FAM114A1: variants seen among roughly 807,000 people sequenced by gnomAD.
The protein encoded by FAM114A1 is protein NOXP20.
Under a neutral mutation model 64.3 loss-of-function variants are expected in FAM114A1, and 62 were observed. That is an observed-to-expected ratio of 0.96 (90% confidence interval 0.79 to 1.19). The LOEUF is 1.19. Ranked by LOEUF, FAM114A1 falls within the 50% of genes most tolerant of loss-of-function variation. The pLI is 0.00. For synonymous variants in FAM114A1, 254 were observed against 251.1 expected, an observed-to-expected ratio of 1.01 and a Z score of -0.11; for missense variants, 645 against 676.3, an observed-to-expected ratio of 0.95 and a Z score of 0.51.
At chr4:38,870,485 T>C (rs1162992425) in intron 2 of FAM114A1, among the ~76,000 whole-genome samples, 2 of 152,270 alleles carry the variant, frequency 1.3e-5, no homozygotes, top group Admixed American at 1.3e-4. Context: ...GCTGTGATGT[T>C]GCTGCTTAAA....
At chr4:38,901,130 T>C (rs951747528) in intron 4 of FAM114A1, among the ~76,000 whole-genome samples, 1 of 152,226 alleles carries the variant, frequency 6.6e-6, no homozygotes, top group Non-Finnish European at 1.5e-5. Context: ...GAAACTTTCC[T>C]GATGAGTTAG....
At chr4:38,913,583 G>A (rs1439369966) in intron 7 of FAM114A1, among the ~76,000 whole-genome samples, 1 of 151,852 alleles carries the variant, frequency 6.6e-6, no homozygotes, top group African/African-American at 2.4e-5. Flanking sequence ...TAGTAGATAC[G>A]TGGTTCCACC....
rs548453456 is a variant in FAM114A1, at chr4:38,914,168, G to A, written c.793-753G>A. Reference sequence around the variant, plus strand: ...CAGGCCAGCTTATTTCTGCTTTGACGTCTGTGTAGGTGCAGGACTTAAAGT... The same window carrying A: ...CAGGCCAGCTTATTTCTGCTTTGACATCTGTGTAGGTGCAGGACTTAAAGT... On this transcript the variant is annotated intron_variant, in intron 7 of 14. Coordinates refer to ENST00000358869, the MANE Select transcript of FAM114A1 (RefSeq NM_138389.4). 3.7e-4 allele frequency among the ~76,000 whole-genome samples: 56 copies of A among 152,020 alleles called. 1 individual carries two copies. The highest frequency in any genetic ancestry group is 1.5e-4 in the Non-Finnish European group (10 of 68,006).
At chr4:38,905,973 A>T in intron 6 of FAM114A1, 112 bp downstream of exon 6, 3 of 902,208 alleles carry the variant, frequency 3.3e-6, no homozygotes, top group South Asian at 2.0e-5. Flanking sequence ...CTTGCTCAGA[A>T]CTTTGGATTA....
At chr4:38,943,332 TTGCAAGATAAATATAATCCAATA>T in intron 14 of FAM114A1, 101 bp from the exon 15 acceptor site, 1 of 761,038 alleles carries the variant, frequency 1.3e-6, no homozygotes, top group Non-Finnish European at 2.2e-6. Context: ...AGCACCAATA[TTGCAAGATAAATATAATCCAATA>T]TGGGGGGTGG....
At position 38,876,697 on chromosome 4, in the gene FAM114A1, C is replaced by T. The variant is rs146609985; in HGVS notation, c.-8-1374C>T. ...GCTTTTGCCAACACAGACTTATTCT[C>T]TTGGAGTTCTGGAGGTCAGAAGTCT... is the stretch of plus-strand genomic sequence containing the variant. On this transcript the variant is annotated intron_variant, in intron 2 of 14. Transcript: ENST00000358869. Among the ~76,000 whole-genome samples, 766 of 152,342 alleles carry T rather than the reference C, an allele frequency of 5.0e-3. 7 individuals carry two copies. Among genetic ancestry groups the T allele is most frequent in the African/African-American group, 0.017 (703 of 41,578 alleles).
chr4:38,937,589 A>G (rs1487702044), intron 13 of FAM114A1, among the ~76,000 whole-genome samples: 2 of 152,148 alleles, frequency 1.3e-5, no homozygotes, highest in African/African-American at 2.4e-5. Flanking sequence ...TAGGACTTCA[A>G]TATGTCTTTT....
At chr4:38,935,515 AC>A (rs1306791855) in intron 12 of FAM114A1, among the ~76,000 whole-genome samples, 4 of 152,216 alleles carry the variant, frequency 2.6e-5, no homozygotes, top group Non-Finnish European at 5.9e-5. Flanking sequence ...TGGAAAGAAA[AC>A]CAGGATTAGA....
chr4:38,899,342 G>A (rs1717280912), intron 4 of FAM114A1, among the ~76,000 whole-genome samples: 1 of 152,026 alleles, frequency 6.6e-6, no homozygotes, highest in Non-Finnish European at 1.5e-5. Flanking sequence ...CCACAGCACC[G>A]GGCCTTTATA....
intron 3 of FAM114A1, among the ~76,000 whole-genome samples, chr4:38,888,968 A>T (rs1716073653): frequency 6.6e-6 from 1 of 152,240 alleles, no homozygotes; most frequent in Non-Finnish European, 1.5e-5. Context: ...TCATTTGAAT[A>T]TTTACCATTT....
intron 6 of FAM114A1, among the ~76,000 whole-genome samples, chr4:38,907,349 C>T (rs1474426852): frequency 6.6e-6 from 1 of 152,214 alleles, no homozygotes; most frequent in Non-Finnish European, 1.5e-5. Context: ...ATGAGTTTGT[C>T]TTCAGCAGCC....
Position 38,899,113 on chromosome 4 carries a change from T to C in FAM114A1, c.437-6409T>C, listed in dbSNP as rs889715329. ...AAAAGACCAAGGTAGATCAGTTTTC[T>C]AGGTTGGATGCCCAGCAGAGGGATG... is the stretch of plus-strand genomic sequence containing the variant. On this transcript the variant is annotated intron_variant, in intron 4 of 14. Transcript: ENST00000358869. Among the ~76,000 whole-genome samples the C allele has an allele frequency of 2.0e-5, 3 of 151,840 alleles. No homozygotes were observed. The South Asian group carries it at 6.2e-4, about 31-fold the overall frequency.
At chr4:38,937,136 G>A (rs1442793897) in intron 13 of FAM114A1, among the ~76,000 whole-genome samples, 1 of 152,146 alleles carries the variant, frequency 6.6e-6, no homozygotes, top group Non-Finnish European at 1.5e-5. Context: ...AGAAACAGCA[G>A]GTTTACTTCT....
At chr4:38,926,494 G>C (rs376159201) in intron 9 of FAM114A1, among the ~76,000 whole-genome samples, 3 of 149,024 alleles carry the variant, frequency 2.0e-5, no homozygotes, top group African/African-American at 7.4e-5. Context: ...TCATTCTGTT[G>C]GCCAGGCTGG....
chr4:38,929,912 G>GAATAAGTCACT (rs1720490172), intron 10 of FAM114A1, among the ~76,000 whole-genome samples: 1 of 152,200 alleles, frequency 6.6e-6, no homozygotes, highest in African/African-American at 2.4e-5. Flanking sequence ...TTGTAACCTT[G>GAATAAGTCACT]AATAAGTCAC....
chr4:38,921,107 C>T (rs969478849), intron 8 of FAM114A1, among the ~76,000 whole-genome samples: 2 of 152,180 alleles, frequency 1.3e-5, no homozygotes, highest in African/African-American at 4.8e-5. Context: ...ACGGCTCCAC[C>T]GCTGTCTCTC....
intron 6 of FAM114A1, among the ~76,000 whole-genome samples, chr4:38,907,244 G>A (rs557647910): frequency 6.6e-6 from 1 of 152,148 alleles, no homozygotes; most frequent in East Asian, 1.9e-4. Flanking sequence ...CCACCCCCGT[G>A]GGGGGTTTGT....
intron 3 of FAM114A1, among the ~76,000 whole-genome samples, chr4:38,887,923 C>T (rs943227859): frequency 3.3e-5 from 5 of 152,030 alleles, no homozygotes; most frequent in Non-Finnish European, 5.9e-5. Flanking sequence ...TGTTGATCAC[C>T]CTATGAGTTA....
At chr4:38,869,252 C>T (rs1261481133) in intron 2 of FAM114A1, among the ~76,000 whole-genome samples, 1 of 152,116 alleles carries the variant, frequency 6.6e-6, no homozygotes, top group Non-Finnish European at 1.5e-5. Flanking sequence ...GAAGAGGTAG[C>T]AGTTATTTCA....
Sources: allele counts gnomAD v4.1 joint callset (sites outside exome capture counted in the v4.1 genomes callset), GRCh38; gene constraint gnomAD v4.1.1; transcripts MANE v1.5; gene names NCBI Gene and HGNC (gene_info 2026-07-23, HGNC 2026-07-21).